The following KCNQ1 variants were observed in gnomAD, a reference collection of about 807,000 sequenced individuals.
KCNQ1 encodes the protein potassium voltage-gated channel subfamily KQT member 1.
In KCNQ1, 49 loss-of-function variants were observed where a neutral mutation model predicts 72.4. That is an observed-to-expected ratio of 0.68 (90% CI 0.54 to 0.86). The LOEUF is 0.86. Among genes scored for constraint, KCNQ1 ranks in the 40% least tolerant of loss-of-function variants. The pLI is 0.00. For missense variants in KCNQ1, 790 were observed against 945.1 expected (o/e 0.84, Z 2.15); for synonymous variants, 450 against 412.6 (o/e 1.09, Z -1.10).
chr11:2,819,584 G>C (rs1358213296), intron 15 of KCNQ1, among the ~76,000 whole-genome samples: 2 of 152,222 alleles, frequency 1.3e-5, no homozygotes, highest in Admixed American at 1.3e-4. Flanking sequence ...GTTCATACCT[G>C]ATTTGGGCCT....
chr11:2,728,489 G>A (rs1269978157), intron 11 of KCNQ1, among the ~76,000 whole-genome samples: 1 of 152,230 alleles, frequency 6.6e-6, no homozygotes, highest in Admixed American at 6.5e-5. Context: ...TACTAATTCT[G>A]CAGCCTCTGG....
At chr11:2,568,716 G>C (rs561386808) in intron 2 of KCNQ1, among the ~76,000 whole-genome samples, 10 of 152,288 alleles carry the variant, frequency 6.6e-5, no homozygotes, top group African/African-American at 2.2e-4. Flanking sequence ...CCTGGGAAAT[G>C]GGGGTGGATA....
intron 15 of KCNQ1, among the ~76,000 whole-genome samples, chr11:2,843,752 G>C (rs1219478070): frequency 6.6e-6 from 1 of 152,264 alleles, no homozygotes; most frequent in Non-Finnish European, 1.5e-5. Context: ...GTTGCCTTGG[G>C]TTTGATCGCC....
rs898035251 is a variant in KCNQ1 at position 2,541,604 on chromosome 11, G to A, written c.477+13586G>A. Reference sequence around the variant, plus strand: ...GGGACGCCGTTTTCGGGATGCTTGTGAGCAGGGCTTTGTCCCCACCGTTAG... The same window carrying A: ...GGGACGCCGTTTTCGGGATGCTTGTAAGCAGGGCTTTGTCCCCACCGTTAG... On this transcript the variant is annotated intron_variant, in intron 2 of 15. Coordinates refer to ENST00000155840, the MANE Select transcript of KCNQ1 (RefSeq NM_000218.3). This position sits in a 1 kb window ranked among gnomAD's most constrained non-coding sequence, Gnocchi z 4.8. 1.3e-5 allele frequency among the ~76,000 whole-genome samples: 2 copies of A among 152,002 alleles called. No individual in the cohort carries two copies. Among genetic ancestry groups the A allele is most frequent in the Admixed American group, 1.3e-4 (2 of 15,264 alleles).
Position 2,645,536 on chromosome 11 carries a change from G to C in KCNQ1, c.1394-16425G>C, listed in dbSNP as rs563128608. On this transcript the variant is annotated intron_variant, in intron 10 of 15. Coordinates refer to ENST00000155840, the MANE Select transcript of KCNQ1 (RefSeq NM_000218.3). This position sits in a 1 kb window ranked among gnomAD's most constrained non-coding sequence, Gnocchi z 5.8. ...TTGCAGCCCTACTCCTGGGGAAGTT[G>C]AGTGGGATTGCTTTCAGTGGCAGCA... 1 of 398,742 alleles carries C rather than the reference G, an allele frequency of 2.5e-6. No individual in the cohort carries two copies. The highest frequency in any genetic ancestry group is 2.1e-5 in the African/African-American group (1 of 48,742). 24.7% of individuals were successfully genotyped at this position (398,742 alleles called of 1,614,324 possible).
At position 2,463,142 on chromosome 11, in the gene KCNQ1, T is replaced by G. The variant is rs939095760; in HGVS notation, c.386+17658T>G. 1.3e-5 allele frequency among the ~76,000 whole-genome samples: 2 copies of G among 152,096 alleles called. No homozygotes were observed. The highest frequency in any genetic ancestry group is 1.5e-5 in the Non-Finnish European group (1 of 67,996). On this transcript the variant is annotated intron_variant, in intron 1 of 15. Transcript: ENST00000155840. This position sits in a 1 kb window ranked among gnomAD's most constrained non-coding sequence, Gnocchi z 7.0. ...TGGATTCCAGGATTCCGGGTTGTGCTTGGTCAGAGTGGGGAACTGGACGCT... is the reference window on the plus strand; with the variant it reads ...TGGATTCCAGGATTCCGGGTTGTGCGTGGTCAGAGTGGGGAACTGGACGCT...
chr11:2,538,745 C>T lies in KCNQ1; in HGVS notation c.477+10727C>T, dbSNP rs1474748047. ...AGGCTTCCTCTGTGCAGCCCACACA[C>T]GGGCCTCACGTTATCTTCTGCAGGC... On this transcript the variant is annotated intron_variant, in intron 2 of 15. Transcript: ENST00000155840. The surrounding 1 kb of genome is among the most constrained non-coding windows in gnomAD (Gnocchi z 6.7). 3.6e-5 allele frequency among the ~76,000 whole-genome samples: 5 copies of T among 137,326 alleles called. No individual in the cohort carries two copies. The highest frequency in any genetic ancestry group is 2.6e-4 in the South Asian group (1 of 3,886). The allele number at this position is 137,326 out of a possible 152,430, so 90.1% of individuals were successfully genotyped here.
At position 2,549,112 on chromosome 11, in the gene KCNQ1, A is replaced by G. The variant is rs575629793; in HGVS notation, c.477+21094A>G. 7.9e-5 allele frequency among the ~76,000 whole-genome samples: 12 copies of G among 152,020 alleles called. No individual in the cohort carries two copies. The highest frequency in any genetic ancestry group is 1.2e-4 in the Non-Finnish European group (8 of 67,976). ...CCCAAGGGAGAGTGGCTGGGTGGAG[A>G]GGGGGCAGGCTGAGATCTGAGAAGC... On this transcript the variant is annotated intron_variant, in intron 2 of 15. Coordinates refer to ENST00000155840, the MANE Select transcript of KCNQ1 (RefSeq NM_000218.3). This position sits in a 1 kb window ranked among gnomAD's most constrained non-coding sequence, Gnocchi z 6.2.
chr11:2,703,342 A>C lies in KCNQ1; in HGVS notation c.1514+41261A>C, dbSNP rs1001510863. Among the ~76,000 whole-genome samples, 2 of 152,182 alleles carry C rather than the reference A, an allele frequency of 1.3e-5. No individual in the cohort carries two copies. The highest frequency in any genetic ancestry group is 1.5e-5 in the Non-Finnish European group (1 of 68,018). On this transcript the variant is annotated intron_variant, in intron 11 of 15. Transcript: ENST00000155840. The surrounding 1 kb of genome is among the most constrained non-coding windows in gnomAD (Gnocchi z 6.4). ...CTGGTGGCCACTCCCTGAGCTCCCC[A>C]CGTGACAGAGGGCAGGTCCCATTCT... is the stretch of plus-strand genomic sequence containing the variant.
rs553916700 is a variant in KCNQ1, at chr11:2,519,140, G to A, written c.387-8788G>A. 5.0e-3 allele frequency among the ~76,000 whole-genome samples: 768 copies of A among 152,304 alleles called. 2 individuals carry two copies. The highest frequency in any genetic ancestry group is 6.8e-3 in the Non-Finnish European group (462 of 68,026). ...TGTTGCCGTTCTGGTGAGAAGTGGC[G>A]GTCCCTGAAGGGCTGGGGTGCTAGG... On this transcript the variant is annotated intron_variant, in intron 1 of 15. Transcript: ENST00000155840.
intron 15 of KCNQ1, among the ~76,000 whole-genome samples, chr11:2,845,765 T>A (rs924637511): frequency 6.6e-6 from 1 of 152,178 alleles, no homozygotes; most frequent in African/African-American, 2.4e-5. Flanking sequence ...GCTCCTGCTC[T>A]GGGCAGGGCA....
At chr11:2,841,099 T>G (rs1162542465) in intron 15 of KCNQ1, among the ~76,000 whole-genome samples, 1 of 150,722 alleles carries the variant, frequency 6.6e-6, no homozygotes, top group African/African-American at 2.4e-5. Flanking sequence ...TTTCAGGGAG[T>G]GGTGAAGGCT....
chr11:2,748,702 AGCT>A lies in KCNQ1; in HGVS notation c.1515-20133_1515-20131del, dbSNP rs71464190. ...GGATCACAGAGCTTCGGGTCCAGCC[AGCT>A]GCTGCTGCCCCTCCCTCTGGGCCTC... On this transcript the variant is annotated intron_variant, in intron 11 of 15. Transcript: ENST00000155840. This position sits in a 1 kb window ranked among gnomAD's most constrained non-coding sequence, Gnocchi z 6.2. Among the ~76,000 whole-genome samples the A allele has an allele frequency of 6.6e-6, 1 of 152,086 alleles. No homozygotes were observed. The highest frequency in any genetic ancestry group is 2.4e-5 in the African/African-American group (1 of 41,428).
chr11:2,508,977 C>A lies in KCNQ1; in HGVS notation c.387-18951C>A, dbSNP rs1847149437. ...CTGGATGAGGGCCGTGGGGAAGGGG[C>A]ACAGCCCTGGGCAAGGGTGTGCAGA... On this transcript the variant is annotated intron_variant, in intron 1 of 15. Coordinates refer to ENST00000155840, the MANE Select transcript of KCNQ1 (RefSeq NM_000218.3). This position sits in a 1 kb window ranked among gnomAD's most constrained non-coding sequence, Gnocchi z 6.2. 6.6e-6 allele frequency among the ~76,000 whole-genome samples: 1 copy of A among 152,178 alleles called. No individual in the cohort carries two copies. The highest frequency in any genetic ancestry group is 2.4e-5 in the African/African-American group (1 of 41,448).
At chr11:2,831,780 C>T (rs1349226836) in intron 15 of KCNQ1, among the ~76,000 whole-genome samples, 1 of 150,212 alleles carries the variant, frequency 6.7e-6, no homozygotes, top group Non-Finnish European at 1.5e-5. Context: ...CCCACCAGAG[C>T]CCTGGAAGGC....
intron 11 of KCNQ1, among the ~76,000 whole-genome samples, chr11:2,741,786 G>A (rs1253257550): frequency 6.6e-6 from 1 of 152,206 alleles, no homozygotes; most frequent in African/African-American, 2.4e-5. Context: ...GCTGGGGCTG[G>A]GAGCCTCTTC....
At chr11:2,841,796 G>C (rs1402171445) in intron 15 of KCNQ1, among the ~76,000 whole-genome samples, 1 of 152,332 alleles carries the variant, frequency 6.6e-6, no homozygotes, top group South Asian at 2.1e-4. Flanking sequence ...CCCTTGGGGG[G>C]CCAAGCATCC....
rs1406034116 is a variant in KCNQ1 at position 2,458,713 on chromosome 11, C to G, written c.386+13229C>G. ...GATCGATCTCACCAAGCCTCGTGCT[C>G]TAAGTACAAGTTTACTGGAAATACT... On this transcript the variant is annotated intron_variant, in intron 1 of 15. Coordinates refer to ENST00000155840, the MANE Select transcript of KCNQ1 (RefSeq NM_000218.3). The surrounding 1 kb of genome is among the most constrained non-coding windows in gnomAD (Gnocchi z 4.6). Among the ~76,000 whole-genome samples, 1 of 152,088 alleles carries G rather than the reference C, an allele frequency of 6.6e-6. No homozygotes were observed. The highest frequency in any genetic ancestry group is 2.4e-5 in the African/African-American group (1 of 41,402).
intron 15 of KCNQ1, among the ~76,000 whole-genome samples, chr11:2,814,252 A>C (rs1847560251): frequency 7.0e-6 from 1 of 143,114 alleles, no homozygotes; most frequent in Non-Finnish European, 1.5e-5. Context: ...AGAGGGAAGG[A>C]GGGCTGAATA....
Sources: allele counts gnomAD v4.1 joint callset (sites outside exome capture counted in the v4.1 genomes callset), GRCh38; gene constraint gnomAD v4.1.1; non-coding constraint Gnocchi (gnomAD v3.1); transcripts MANE v1.5; gene names NCBI Gene and HGNC (gene_info 2026-07-23, HGNC 2026-07-21).